Variants in ANK2 observed in about 807,000 individuals in gnomAD.
The protein encoded by ANK2 is ankyrin-2.
In ANK2, 83 loss-of-function variants were observed where a neutral mutation model predicts 360.5. The observed-to-expected ratio is 0.23, with a 90% CI of 0.19 to 0.28. The LOEUF (loss-of-function observed/expected upper bound fraction) is 0.28, where lower values mean the gene tolerates loss of function less well. Among genes scored for constraint, ANK2 ranks in the 10% least tolerant of loss-of-function variants. The pLI, the probability that ANK2 is intolerant of heterozygous loss-of-function variation, is 1.00. For missense variants in ANK2, 4,201 were observed against 4,795.7 expected (o/e 0.88, Z 3.66); for synonymous variants, 1,740 against 1,759.5 (o/e 0.99, Z 0.28).
chr4:113,040,134 A>G (rs2062601294), intron 2 of ANK2, among the ~76,000 whole-genome samples: 2 of 152,062 alleles, frequency 1.3e-5, no homozygotes, highest in African/African-American at 4.8e-5. Flanking sequence ...TAATATCACT[A>G]GAGACTGAAT....
intron 16 of ANK2, among the ~76,000 whole-genome samples, 164 bp downstream of exon 16, chr4:113,278,099 A>G (rs572760967): frequency 2.5e-4 from 38 of 152,350 alleles, no homozygotes; most frequent in South Asian, 8.3e-4. Flanking sequence ...CCAGGTACAT[A>G]CACACTGATT....
chr4:113,367,619 G>A lies in ANK2; in HGVS notation c.11086G>A (p.Glu3696Lys), dbSNP rs199473347. ...CACTGCACAGCACAAGCAGAAAGAG[G>A]AGCAAGCTGTTTCTAAAGAAAGTGA... ...LCTAQHKQKE[E>K]QAVSKESETC... Residue 3696 changes from glutamate (E) to lysine (K), a missense_variant, in exon 42 of 46, where the codon GAG becomes AAG. By Grantham distance (56) the Glu-to-Lys change is moderately conservative. Transcript: ENST00000357077. The A allele has an allele frequency of 1.9e-6, 3 of 1,613,764 alleles. No individual in the cohort carries two copies. The highest frequency in any genetic ancestry group is 2.5e-6 in the Non-Finnish European group (3 of 1,179,980).
chr4:112,720,699 G>T, the ANK2 span, among the ~76,000 whole-genome samples: 1 of 152,182 alleles, frequency 6.6e-6, no homozygotes, highest in Non-Finnish European at 1.5e-5. Flanking sequence ...AGTCTTACAT[G>T]TGTGGACTAG....
At chr4:113,271,822 G>A (rs1283965087) in intron 14 of ANK2, among the ~76,000 whole-genome samples, 1 of 152,306 alleles carries the variant, frequency 6.6e-6, no homozygotes, top group Admixed American at 6.5e-5. Context: ...TGGAGAGCAG[G>A]GGACCACAGT....
intron 1 of ANK2, chr4:112,881,672 T>C: frequency 2.1e-6 from 1 of 467,302 alleles, no homozygotes; most frequent in African/African-American, 2.0e-5. Flanking sequence ...GAAGCTAAAA[T>C]ACAATTAGTC....
chr4:113,158,386 A>G (rs1446968585), intron 1 of ANK2, among the ~76,000 whole-genome samples: 1 of 152,218 alleles, frequency 6.6e-6, no homozygotes, highest in African/African-American at 2.4e-5. Flanking sequence ...TTTTGGTCAG[A>G]CCAAATCTTT....
At chr4:113,036,231 G>A (rs1406449867) in intron 2 of ANK2, among the ~76,000 whole-genome samples, 1 of 147,946 alleles carries the variant, frequency 6.8e-6, no homozygotes, top group Non-Finnish European at 1.5e-5. Context: ...TAGCTTCATA[G>A]ATTCAAGGAC....
At chr4:112,800,330 T>A in the ANK2 span, among the ~76,000 whole-genome samples, 11 of 152,076 alleles carry the variant, frequency 7.2e-5, no homozygotes, top group Admixed American at 7.2e-4. Context: ...TAGTTTTGCC[T>A]ATATGCATTT....
Position 113,354,924 on chromosome 4 carries a change from A to G in ANK2, c.6306A>G (p.Glu2102=). The G allele has an allele frequency of 1.9e-6, 3 of 1,614,140 alleles. No homozygotes were observed. Among genetic ancestry groups the G allele is most frequent in the South Asian group, 1.1e-5 (1 of 91,076 alleles). ...IPEPVQSVPE[E]ESHRESEVPK... ...AACCTGTTCAGTCAGTGCCTGAAGAAGAAAGCCACAGAGAGAGCGAAGTGC... is the reference window on the plus strand; with the variant it reads ...AACCTGTTCAGTCAGTGCCTGAAGAGGAAAGCCACAGAGAGAGCGAAGTGC... Residue 2102 remains glutamate (E), a synonymous_variant, in exon 38 of 46, where the codon GAA becomes GAG. Coordinates refer to ENST00000357077, the MANE Select transcript of ANK2 (RefSeq NM_001148.6).
At chr4:113,348,221 C>G (rs113147761) in intron 35 of ANK2, 55 bp from the exon 36 acceptor site, 1 of 1,570,244 alleles carries the variant, frequency 6.4e-7, no homozygotes, top group East Asian at 2.2e-5. Context: ...TCTAAATACT[C>G]TCTACTCTTC....
the ANK2 span, among the ~76,000 whole-genome samples, chr4:112,725,637 G>A: frequency 8.6e-5 from 13 of 152,044 alleles, no homozygotes; most frequent in Non-Finnish European, 1.9e-4. Flanking sequence ...TGGGATTACA[G>A]GCGTAAGCCA....
chr4:113,196,787 G>T (rs2098754230), intron 3 of ANK2, among the ~76,000 whole-genome samples: 1 of 152,140 alleles, frequency 6.6e-6, no homozygotes, highest in African/African-American at 2.4e-5. Flanking sequence ...AAAGTGCTGG[G>T]ATTATAGGCG....
In ANK2 at chr4:113,359,308, C is replaced by T; in HGVS notation, c.10681+9C>T. 1 of 1,613,286 alleles carries T rather than the reference C, an allele frequency of 6.2e-7. No individual in the cohort carries two copies. Among genetic ancestry groups the T allele is most frequent in the Non-Finnish European group, 8.5e-7 (1 of 1,179,812 alleles). The stretch of plus-strand genomic sequence containing the variant: ...CCATGACCATGCTGAAGGTATTTGC[C>T]AGCCACCGGGATTCCCTGTGCTACG... On this transcript the variant is annotated intron_variant, in intron 38 of 45. Coordinates refer to ENST00000357077, the MANE Select transcript of ANK2 (RefSeq NM_001148.6).
chr4:113,307,256 C>T (rs938443545), intron 23 of ANK2, among the ~76,000 whole-genome samples: 1 of 152,138 alleles, frequency 6.6e-6, no homozygotes, highest in African/African-American at 2.4e-5. Flanking sequence ...GTTGTGAACA[C>T]TTAACACTTA....
chr4:112,906,500 GAAGGA>G (rs1430820890), intron 2 of ANK2, among the ~76,000 whole-genome samples: 1 of 152,202 alleles, frequency 6.6e-6, no homozygotes, highest in Non-Finnish European at 1.5e-5. Context: ...CAGTGCAGAA[GAAGGA>G]GAGAGATTGG....
intron 2 of ANK2, among the ~76,000 whole-genome samples, chr4:112,977,304 A>C (rs1042517917): frequency 1.3e-5 from 2 of 152,132 alleles, no homozygotes; most frequent in African/African-American, 4.8e-5. Context: ...TATTGTTGAA[A>C]TTAACAATAG....
At chr4:113,219,535 T>G (rs533570019) in intron 4 of ANK2, among the ~76,000 whole-genome samples, 4,239 of 152,170 alleles carry the variant, frequency 0.028, 99 homozygotes, top group East Asian at 0.068. Flanking sequence ...CCTACTGCTG[T>G]GTATCTTATT....
chr4:113,359,125 T>G lies in ANK2; in HGVS notation c.10507T>G (p.Ser3503Ala). 1 of 1,614,030 alleles carries G rather than the reference T, an allele frequency of 6.2e-7. No individual in the cohort carries two copies. The highest frequency in any genetic ancestry group is 8.5e-7 in the Non-Finnish European group (1 of 1,179,912). Residue 3503 changes from serine (S) to alanine (A), a missense_variant, in exon 38 of 46, where the codon TCA becomes GCA. Transcript: ENST00000357077. Reference sequence around the variant, plus strand: ...GTCAGAGAGGGAGCAGGAAATAGTTTCAGACGATGAAAGTAGTAGTGCCCT... The same window carrying G: ...GTCAGAGAGGGAGCAGGAAATAGTTGCAGACGATGAAAGTAGTAGTGCCCT... ...TQSEREQEIV[S>A]DDESSSALEV...
intron 1 of ANK2, among the ~76,000 whole-genome samples, chr4:113,153,991 AT>A (rs1366943308): frequency 1.3e-5 from 2 of 152,242 alleles, no homozygotes; most frequent in Non-Finnish European, 2.9e-5. Flanking sequence ...ACATAAGAGC[AT>A]AAAAGTAGAA....
Sources: allele counts gnomAD v4.1 joint callset (sites outside exome capture counted in the v4.1 genomes callset), GRCh38; gene constraint gnomAD v4.1.1; transcripts MANE v1.5; gene names NCBI Gene and HGNC (gene_info 2026-07-23, HGNC 2026-07-21).